Variants in CDH12 observed in about 807,000 individuals in gnomAD.
CDH12 encodes the protein cadherin-12.
In CDH12, 41 loss-of-function variants were observed where a neutral mutation model predicts 74.1. The ratio of observed to expected loss-of-function variants is 0.55; its 90% CI spans 0.43 to 0.72. CDH12 has a LOEUF of 0.72. CDH12 is among the 30% of genes least tolerant of loss of function. The pLI, the probability that CDH12 is intolerant of heterozygous loss-of-function variation, is 0.00. For synonymous variants in CDH12, 399 were observed against 355.0 expected (o/e 1.12, Z -1.39); for missense variants, 945 against 977.2 (o/e 0.97, Z 0.44).
chr5:22,346,590 A>C (rs1561332112), intron 3 of CDH12, among the ~76,000 whole-genome samples: 1 of 152,372 alleles, frequency 6.6e-6, no homozygotes, highest in Non-Finnish European at 1.5e-5. Flanking sequence ...ATATTTCAAC[A>C]TTAATTAAAA....
intron 5 of CDH12, among the ~76,000 whole-genome samples, chr5:21,998,103 T>C (rs1039523868): frequency 6.6e-6 from 1 of 152,096 alleles, no homozygotes. Context: ...CATCAATGTT[T>C]GGAGTATATA....
At chr5:22,081,041 C>T (rs1400449182) in intron 4 of CDH12, among the ~76,000 whole-genome samples, 2 of 152,030 alleles carry the variant, frequency 1.3e-5, no homozygotes, top group Non-Finnish European at 2.9e-5. Context: ...AGCCTCCCAA[C>T]GTGCTGGGAT....
At chr5:22,022,701 G>T (rs964173426) in intron 5 of CDH12, among the ~76,000 whole-genome samples, 4 of 151,948 alleles carry the variant, frequency 2.6e-5, no homozygotes, top group Non-Finnish European at 4.4e-5. Flanking sequence ...CTATATATCT[G>T]CTTTCTATTT....
chr5:22,208,900 G>C lies in CDH12; in HGVS notation c.-187+3598C>G, dbSNP rs537036920. ...TGTGTACATATACTTTGTGTTTTCT[G>C]TTATTCTTATACACAATTAGGATAA... On this transcript the variant is annotated intron_variant, in intron 4 of 14. Coordinates refer to ENST00000382254, the MANE Select transcript of CDH12 (RefSeq NM_004061.5). Among the ~76,000 whole-genome samples the C allele has an allele frequency of 3.7e-4, 57 of 152,244 alleles. No individual in the cohort carries two copies. In the South Asian group the frequency reaches 8.9e-3, roughly 24 times the overall value.
At chr5:22,541,094 T>C (rs930254312) in intron 1 of CDH12, among the ~76,000 whole-genome samples, 4 of 152,188 alleles carry the variant, frequency 2.6e-5, no homozygotes, top group African/African-American at 9.6e-5. Flanking sequence ...TAGAAGTGAC[T>C]AGTAAGTTCT....
intron 13 of CDH12, among the ~76,000 whole-genome samples, chr5:21,759,013 A>G (rs145285721): frequency 0.031 from 4,779 of 152,230 alleles, 78 homozygotes; most frequent in Middle Eastern, 0.058. Context: ...ACTGCTTATC[A>G]GGTACTAGGT....
chr5:22,362,908 A>G (rs1461252525), intron 3 of CDH12, among the ~76,000 whole-genome samples: 2 of 129,302 alleles, frequency 1.5e-5, no homozygotes, highest in Non-Finnish European at 3.2e-5. Flanking sequence ...AGGAAGGGGA[A>G]CATAACACAC....
intron 6 of CDH12, among the ~76,000 whole-genome samples, chr5:21,957,671 T>C (rs956932125): frequency 6.6e-5 from 10 of 152,174 alleles, no homozygotes; most frequent in East Asian, 1.9e-4. Flanking sequence ...ATCAGTGATA[T>C]TGAGTTTGTT....
At chr5:22,638,523 G>A (rs1210243178) in intron 1 of CDH12, among the ~76,000 whole-genome samples, 2 of 152,008 alleles carry the variant, frequency 1.3e-5, no homozygotes, top group Admixed American at 6.5e-5. Flanking sequence ...ATTATATGGT[G>A]CCCACCCAGA....
chr5:21,866,220 T>C (rs1164535420), intron 6 of CDH12, among the ~76,000 whole-genome samples: 1 of 152,182 alleles, frequency 6.6e-6, no homozygotes, highest in Non-Finnish European at 1.5e-5. Flanking sequence ...AAAGGACTAA[T>C]ACAGCAAATT....
At chr5:22,056,632 T>C (rs1740762619) in intron 5 of CDH12, among the ~76,000 whole-genome samples, 1 of 152,182 alleles carries the variant, frequency 6.6e-6, no homozygotes, top group South Asian at 2.1e-4. Context: ...GATCTTTCTG[T>C]GAAGCGCAAA....
intron 4 of CDH12, among the ~76,000 whole-genome samples, chr5:22,147,670 G>T (rs1252521573): frequency 2.0e-5 from 3 of 151,474 alleles, no homozygotes; most frequent in Non-Finnish European, 4.4e-5. Flanking sequence ...GAAGGCAAAA[G>T]GCACATCTTA....
chr5:22,813,642 C>T (rs1418515322), intron 1 of CDH12, among the ~76,000 whole-genome samples: 9 of 151,938 alleles, frequency 5.9e-5, no homozygotes. Flanking sequence ...GATTTACTCT[C>T]CCCTGTTGGC....
At chr5:22,343,814 T>C (rs1739996094) in intron 3 of CDH12, among the ~76,000 whole-genome samples, 1 of 152,214 alleles carries the variant, frequency 6.6e-6, no homozygotes, top group Non-Finnish European at 1.5e-5. Context: ...TGACAGTCAC[T>C]TGCAATATTT....
intron 5 of CDH12, among the ~76,000 whole-genome samples, chr5:22,033,206 T>G (rs1738946017): frequency 6.6e-6 from 1 of 152,198 alleles, no homozygotes; most frequent in African/African-American, 2.4e-5. Context: ...AATGGAGCTG[T>G]AATTTATTGC....
At position 22,078,617 on chromosome 5, in the gene CDH12, T is replaced by C. The variant is rs150281223; in HGVS notation, c.60A>G (p.Leu20=). ...LLWVLFDGGL[L]TPLQPQPQQT... ...GCTGTGGCTGTGGTTGTAGTGGTGTTAGGAGACCTCCATCAAACAGAACCC... is the reference window on the plus strand; with the variant it reads ...GCTGTGGCTGTGGTTGTAGTGGTGTCAGGAGACCTCCATCAAACAGAACCC... The change falls in exon 5 of 15, where the codon CTA becomes CTG. Residue 20 remains leucine (L), a synonymous_variant. Transcript: ENST00000382254. The C allele has an allele frequency of 1.5e-4, 241 of 1,613,756 alleles. No individual in the cohort carries two copies. The highest frequency in any genetic ancestry group is 1.9e-4 in the Non-Finnish European group (222 of 1,179,842).
intron 4 of CDH12, among the ~76,000 whole-genome samples, chr5:22,155,478 T>G (rs1442534513): frequency 1.3e-5 from 2 of 152,126 alleles, no homozygotes; most frequent in Non-Finnish European, 2.9e-5. Context: ...TAAGCAGATA[T>G]AAAGATCTTT....
chr5:22,043,157 C>T (rs781593543), intron 5 of CDH12, among the ~76,000 whole-genome samples: 16 of 151,900 alleles, frequency 1.1e-4, no homozygotes, highest in African/African-American at 3.1e-4. Context: ...AAAAAATTAC[C>T]GGCCAATATT....
At chr5:22,830,930 ACTC>A (rs1245022670) in intron 1 of CDH12, among the ~76,000 whole-genome samples, 3 of 151,600 alleles carry the variant, frequency 2.0e-5, no homozygotes, top group African/African-American at 2.4e-5. Context: ...AACAACATAA[ACTC>A]CTCATTAACC....
Sources: allele counts gnomAD v4.1 joint callset (sites outside exome capture counted in the v4.1 genomes callset), GRCh38; gene constraint gnomAD v4.1.1; transcripts MANE v1.5; gene names NCBI Gene and HGNC (gene_info 2026-07-23, HGNC 2026-07-21).